CATIP: variants seen among roughly 807,000 people sequenced by gnomAD.
The protein encoded by CATIP is ciliogenesis associated TTC17 interacting protein, also known as ciliogenesis-associated TTC17-interacting protein.
CATIP carries 40 observed loss-of-function variants against 42.5 expected under a neutral mutation model. That is an observed-to-expected ratio of 0.94 (90% CI 0.73 to 1.22). The LOEUF (loss-of-function observed/expected upper bound fraction) is 1.22. Ranked by LOEUF, CATIP falls within the 50% of genes most tolerant of loss-of-function variation. CATIP has a pLI of 0.00. For missense variants in CATIP, 489 were observed against 496.0 expected (o/e 0.99, Z 0.13); for synonymous variants, 222 against 200.2 (o/e 1.11, Z -0.92).
chr2:218,367,669 C>T, intron 9 of CATIP, 53 bp from the exon 10 acceptor site: 11 of 1,577,186 alleles, frequency 7.0e-6, no homozygotes, highest in Non-Finnish European at 8.6e-6. Context: ...GCTGGGGGCT[C>T]CTGGGGCGCG....
At chr2:218,358,517 C>T (rs139224439) in intron 4 of CATIP, among the ~76,000 whole-genome samples, 95 of 152,002 alleles carry the variant, frequency 6.2e-4, no homozygotes, top group Middle Eastern at 3.4e-3. Context: ...GCCGAGATCG[C>T]GCCACTGCAC....
chr2:218,367,991 G>T lies in CATIP; in HGVS notation c.*27G>T, dbSNP rs1477145134. 1 of 1,513,106 alleles carries T rather than the reference G, an allele frequency of 6.6e-7. No individual in the cohort carries two copies. The highest frequency in any genetic ancestry group is 2.2e-5 in the Admixed American group (1 of 45,930). The allele number at this position is 1,513,106 out of a possible 1,614,324, so 93.7% of individuals were successfully genotyped here. A position where few individuals can be genotyped will look rare whatever the true frequency, so the allele number is the denominator to read the frequency against. ...CGGGGCCCAGGCCCGGACAGGGCAG[G>T]AAACCAGGGGTCGGGCTGGGACGCG... On this transcript the variant is annotated 3_prime_UTR_variant, in exon 10 of 10. Transcript: ENST00000289388.
chr2:218,364,937 C>G (rs1278423749), intron 7 of CATIP, among the ~76,000 whole-genome samples, 185 bp downstream of exon 7: 1 of 152,200 alleles, frequency 6.6e-6, no homozygotes, highest in African/African-American at 2.4e-5. Context: ...ACAGTGCCTC[C>G]CAAACCTTCT....
rs1257123730 is a variant in CATIP, at chr2:218,367,500, G to A, written c.903G>A (p.Ser301=). Residue 301 remains serine, a synonymous_variant, in exon 9 of 10, where the codon TCG becomes TCA. Coordinates refer to ENST00000289388, the MANE Select transcript of CATIP (RefSeq NM_198559.2). ...GGGAGGAGGATATGGAGCTCTATTC[G>A]AAGTTCCTGGACCGGAAGGTGAGGG... is the stretch of plus-strand genomic sequence containing the variant. ...LVWEEDMELY[S]KFLDRKEELR... is the part of the protein sequence containing the mutation. The A allele has an allele frequency of 1.2e-6, 2 of 1,614,056 alleles. No homozygotes were observed. The highest frequency in any genetic ancestry group is 1.7e-6 in the Non-Finnish European group (2 of 1,180,032).
chr2:218,364,657 A>C lies in CATIP; in HGVS notation c.660A>C (p.Val220=). 6.2e-7 allele frequency: 1 copy of C among 1,614,066 alleles called. No homozygotes were observed. The highest frequency in any genetic ancestry group is 1.3e-5 in the African/African-American group (1 of 75,056). ...ACCTGGGCTTCCAGACCATCCAGGTAGACCATCAGCAGGCTGAAGTCTTCA... is the reference window on the plus strand; with the variant it reads ...ACCTGGGCTTCCAGACCATCCAGGTCGACCATCAGCAGGCTGAAGTCTTCA... ...YQNLGFQTIQ[V]DHQQAEVFIV... The change falls in exon 7 of 10, where the codon GTA becomes GTC. Residue 220 remains valine (V), a synonymous_variant. Coordinates refer to ENST00000289388, the MANE Select transcript of CATIP (RefSeq NM_198559.2).
intron 6 of CATIP, among the ~76,000 whole-genome samples, chr2:218,364,149 C>T (rs1695337459): frequency 6.6e-6 from 1 of 152,206 alleles, no homozygotes; most frequent in South Asian, 2.1e-4. Flanking sequence ...CATTCCCCTC[C>T]GTGTTCTTTG....
Position 218,360,645 on chromosome 2 carries a change from A to T in CATIP, c.448A>T (p.Ile150Phe). Residue 150 changes from isoleucine (I) to phenylalanine (F), a missense_variant, in exon 5 of 10, where the codon ATC becomes TTC. Ile to Phe is a conservative substitution (Grantham distance 21, BLOSUM62 0). Coordinates refer to ENST00000289388, the MANE Select transcript of CATIP (RefSeq NM_198559.2). The stretch of plus-strand genomic sequence containing the variant: ...TGATCAGCTGGCTGTGACCAGAAGT[A>T]TCAAGGAGGGTGAGGTAAGGATGAG... Reference protein sequence around the residue: ...QDDQLAVTRSIKEGEEVKTGV... With the variant: ...QDDQLAVTRSFKEGEEVKTGV... 6.2e-7 allele frequency: 1 copy of T among 1,613,792 alleles called. No homozygotes were observed. The highest frequency in any genetic ancestry group is 8.5e-7 in the Non-Finnish European group (1 of 1,179,808).
At chr2:218,358,115 T>C (rs748208925) in intron 4 of CATIP, 23 bp downstream of exon 4, 3 of 1,605,784 alleles carry the variant, frequency 1.9e-6, no homozygotes, top group East Asian at 4.5e-5. Flanking sequence ...GCCCCAGCCT[T>C]GACCCAATCC....
At chr2:218,366,837 C>A (rs2106319271) in intron 7 of CATIP, 187 bp from the exon 8 acceptor site, 2 of 614,084 alleles carry the variant, frequency 3.3e-6, no homozygotes, top group Middle Eastern at 4.3e-4. Context: ...TCTGGCATCA[C>A]CCTTTTCTCA....
At chr2:218,366,267 G>T (rs539093436) in intron 7 of CATIP, 2 of 152,284 alleles carry the variant, frequency 1.3e-5, no homozygotes, top group East Asian at 3.9e-4. Flanking sequence ...GGGATTACAG[G>T]CGCCCACCAC....
chr2:218,357,255 T>TACAGATGAGGTTTCGCTATGTTGG, intron 2 of CATIP, 68 bp downstream of exon 2: 5 of 656,974 alleles, frequency 7.6e-6, no homozygotes, highest in Non-Finnish European at 9.2e-6. Flanking sequence ...GGGAAGAAAG[T>TACAGATGAGGTTTCGCTATGTTGG]CCAGTCTCTC....
intron 9 of CATIP, 26 bp from the exon 10 acceptor site, chr2:218,367,696 G>C (rs1484238352): frequency 6.3e-7 from 1 of 1,581,260 alleles, no homozygotes; most frequent in Non-Finnish European, 8.6e-7. Context: ...CCGTCCGGCT[G>C]AGGCTCGGGC....
At chr2:218,367,381 A>T (rs756262386) in intron 8 of CATIP, 49 bp from the exon 9 acceptor site, 1 of 1,540,592 alleles carries the variant, frequency 6.5e-7, no homozygotes. Flanking sequence ...TGTGTATCCA[A>T]GGAAGGTTCC....
chr2:218,367,340 G>C (rs753649644), intron 8 of CATIP, 90 bp from the exon 9 acceptor site: 11 of 1,235,022 alleles, frequency 8.9e-6, no homozygotes, highest in Non-Finnish European at 1.2e-5. Flanking sequence ...TTTCACCTGA[G>C]CCTTCTGTTT....
intron 1 of CATIP, 64 bp downstream of exon 1, chr2:218,356,973 G>A: frequency 6.2e-7 from 1 of 1,604,068 alleles, no homozygotes; most frequent in Non-Finnish European, 8.5e-7. Flanking sequence ...TCCACCCTCG[G>A]GGTAGTCTTA....
rs965828482 is a variant in CATIP, at chr2:218,362,737, A to G, written c.465A>G (p.Glu155=). Residue 155 remains glutamate, a splice_region_variant and synonymous_variant, in exon 6 of 10, where the codon GAA becomes GAG. Coordinates refer to ENST00000289388, the MANE Select transcript of CATIP (RefSeq NM_198559.2). ...AVTRSIKEGE[E]VKTGVTSFPW... ...TGACCCAGATCAGTTCTGAACAGGA[A>G]GTGAAGACTGGAGTGACTTCTTTCC... The G allele has an allele frequency of 2.5e-6, 4 of 1,613,806 alleles. No homozygotes were observed. The African/African-American group carries it at 5.3e-5, about 22-fold the overall frequency.
At chr2:218,363,021 C>T in intron 6 of CATIP, 119 bp downstream of exon 6, 3 of 996,100 alleles carry the variant, frequency 3.0e-6, no homozygotes, top group Non-Finnish European at 4.3e-6. Flanking sequence ...GAGAAAACAG[C>T]ACAGGTGGGA....
chr2:218,364,136 A>G (rs1453625131), intron 6 of CATIP, among the ~76,000 whole-genome samples: 1 of 152,206 alleles, frequency 6.6e-6, no homozygotes, highest in Non-Finnish European at 1.5e-5. Flanking sequence ...AACAAGCACA[A>G]TCCATTCCCC....
At chr2:218,364,233 C>A (rs759649338) in intron 6 of CATIP, among the ~76,000 whole-genome samples, 1 of 152,180 alleles carries the variant, frequency 6.6e-6, no homozygotes, top group East Asian at 1.9e-4. Context: ...TTAATCACAA[C>A]AGGGACAGCC....
Sources: gnomAD v4.1 joint callset for allele counts (sites outside exome capture counted in the v4.1 genomes callset) on GRCh38, gnomAD v4.1.1 for gene constraint, MANE v1.5 for transcripts, NCBI Gene and HGNC (gene_info 2026-07-23, HGNC 2026-07-21) for gene names.